Variants in PTPRN2 observed in about 807,000 individuals in gnomAD.
The protein encoded by PTPRN2 is receptor-type tyrosine-protein phosphatase N2.
Under a neutral mutation model 118.8 loss-of-function variants are expected in PTPRN2, and 74 were observed. That is an observed-to-expected ratio of 0.62 (90% CI 0.52 to 0.76). The LOEUF (loss-of-function observed/expected upper bound fraction) is 0.76. Among genes scored for constraint, PTPRN2 ranks in the 30% least tolerant of loss-of-function variants. PTPRN2 has a pLI of 0.00. For missense variants in PTPRN2, 1,481 were observed against 1,394.4 expected, an observed-to-expected ratio of 1.06 and a Z score of -0.99; for synonymous variants, 641 against 608.0, an observed-to-expected ratio of 1.05 and a Z score of -0.80.
intron 6 of PTPRN2, among the ~76,000 whole-genome samples, chr7:158,164,906 G>C (rs1822790005): frequency 6.6e-6 from 1 of 152,176 alleles, no homozygotes; most frequent in Non-Finnish European, 1.5e-5. Flanking sequence ...GTGGCCAAGG[G>C]CTGAGGCCAC....
intron 3 of PTPRN2, among the ~76,000 whole-genome samples, chr7:158,263,706 C>T (rs759553537): frequency 3.9e-5 from 6 of 152,230 alleles, no homozygotes; most frequent in Non-Finnish European, 7.3e-5. Flanking sequence ...CATGGGTGGG[C>T]GCCCAGCACC....
intron 5 of PTPRN2, among the ~76,000 whole-genome samples, chr7:158,186,632 C>T (rs1005556429): frequency 2.4e-4 from 36 of 152,088 alleles, no homozygotes; most frequent in Admixed American, 5.2e-4. Flanking sequence ...GTCAGAAGCC[C>T]GCCTGGGCCA....
chr7:158,523,443 G>C (rs934827833), intron 1 of PTPRN2, among the ~76,000 whole-genome samples: 1 of 135,008 alleles, frequency 7.4e-6, no homozygotes, highest in Non-Finnish European at 1.6e-5. Context: ...AGTCTGCCCT[G>C]GAGCGGAGTC....
rs758260645 is a variant in PTPRN2 at position 157,578,159 on chromosome 7, C to T, written c.2497-19G>A. ...ACACCATCTGCGGACAAAGAAGGCC[C>T]GTGGCCGCGGTGTGACTGTCTCATC... On this transcript the variant is annotated intron_variant, in intron 17 of 22. Coordinates refer to ENST00000389418, the MANE Select transcript of PTPRN2 (RefSeq NM_002847.5). 1.9e-6 allele frequency: 3 copies of T among 1,596,344 alleles called. No homozygotes were observed. Among genetic ancestry groups the T allele is most frequent in the Non-Finnish European group, 1.7e-6 (2 of 1,168,850 alleles).
rs761029155 is a variant in PTPRN2 at position 157,621,461 on chromosome 7, A to G, written c.2245T>C (p.Trp749Arg). 6 of 1,613,734 alleles carry G rather than the reference A, an allele frequency of 3.7e-6. No individual in the cohort carries two copies. In the Admixed American group the frequency reaches 8.3e-5, roughly 22 times the overall value. Residue 749 changes from tryptophan to arginine, a missense_variant, in exon 15 of 23, where the codon TGG becomes CGG. Trp to Arg is a moderately radical substitution (Grantham distance 101). This residue lies in a region of PTPRN2 where 362 missense variants were observed against 384.1 expected (regional missense o/e 0.94). Transcript: ENST00000389418. ...GCCTGGTAGGCGCACAGCGCTTCCC[A>G]CTCCTTCTCCAGCCGGTTCTTGTTC... ...LKNKNRLEKEWEALCAYQAEP... is the reference protein window; with the variant it reads ...LKNKNRLEKEREALCAYQAEP...
At chr7:158,541,063 G>A (rs1721743886) in intron 1 of PTPRN2, among the ~76,000 whole-genome samples, 1 of 152,184 alleles carries the variant, frequency 6.6e-6, no homozygotes, top group African/African-American at 2.4e-5. Flanking sequence ...GTGCTAATTG[G>A]CAATGCTGGG....
intron 17 of PTPRN2, among the ~76,000 whole-genome samples, chr7:157,580,165 G>A (rs1417461590): frequency 6.6e-6 from 1 of 152,170 alleles, no homozygotes; most frequent in African/African-American, 2.4e-5. Flanking sequence ...TGGCACCTGT[G>A]AATGTGACCT....
Position 158,015,680 on chromosome 7 carries a change from C to T in PTPRN2, c.1723+65618G>A, listed in dbSNP as rs539248729. Among the ~76,000 whole-genome samples, 5 of 152,158 alleles carry T rather than the reference C, an allele frequency of 3.3e-5. No homozygotes were observed. The highest frequency in any genetic ancestry group is 1.2e-4 in the African/African-American group (5 of 41,424). On this transcript the variant is annotated intron_variant, in intron 11 of 22. Transcript: ENST00000389418. The surrounding 1 kb of genome is among the most constrained non-coding windows in gnomAD (Gnocchi z 4.2). The stretch of plus-strand genomic sequence containing the variant: ...ATTTTTGCCAGTAGCAGAGAACGTA[C>T]GAGGTCTTTCTTCCTATTTTCTGCA...
At chr7:157,957,227 C>T (rs1426610562) in intron 11 of PTPRN2, among the ~76,000 whole-genome samples, 2 of 152,204 alleles carry the variant, frequency 1.3e-5, no homozygotes, top group African/African-American at 4.8e-5. Flanking sequence ...GTGCACTTCC[C>T]AGAATCTGCA....
chr7:157,672,815 G>A (rs185230070), intron 13 of PTPRN2, among the ~76,000 whole-genome samples: 6 of 152,320 alleles, frequency 3.9e-5, no homozygotes, highest in Non-Finnish European at 7.3e-5. Flanking sequence ...CACAAACTCT[G>A]TAGTGAATTA....
intron 1 of PTPRN2, among the ~76,000 whole-genome samples, chr7:158,578,396 A>C (rs1828450538): frequency 6.6e-6 from 1 of 151,672 alleles, no homozygotes; most frequent in Non-Finnish European, 1.5e-5. Flanking sequence ...CAAGCCAGGC[A>C]TGGTGGCACA....
chr7:157,680,337 C>A (rs913707444), intron 13 of PTPRN2, among the ~76,000 whole-genome samples: 1 of 151,792 alleles, frequency 6.6e-6, no homozygotes, highest in Non-Finnish European at 1.5e-5. Context: ...TGCGAGAAGA[C>A]ACCTTTCCTG....
In PTPRN2 at chr7:157,545,194, TGG is replaced by T. The variant is rs1305209190; in HGVS notation, c.2976+3750_2976+3751del. 2.7e-3 allele frequency among the ~76,000 whole-genome samples: 388 copies of T among 141,192 alleles called. 1 individual carries two copies. The highest frequency in any genetic ancestry group is 9.9e-3 in the African/African-American group (367 of 37,196). 92.6% of individuals were successfully genotyped at this position (141,192 alleles called of 152,430 possible). A position where few individuals can be genotyped will look rare whatever the true frequency, so the allele number is the denominator to read the frequency against. On this transcript the variant is annotated intron_variant, in intron 22 of 22. Transcript: ENST00000389418. ...GCTGAGTGGTGTTTGTGGGTGTCTGTGGGTGTGTGTGCAATGTGTGGGTGTGC... is the reference window on the plus strand; with the variant it reads ...GCTGAGTGGTGTTTGTGGGTGTCTGTGTGTGTGTGCAATGTGTGGGTGTGC...
chr7:158,294,873 C>A (rs1800363293), intron 3 of PTPRN2, among the ~76,000 whole-genome samples: 1 of 146,696 alleles, frequency 6.8e-6, no homozygotes, highest in Non-Finnish European at 1.5e-5. Context: ...AGGGTCTAAG[C>A]CCATGGGGCC....
At chr7:157,767,176 G>A (rs931313989) in intron 12 of PTPRN2, among the ~76,000 whole-genome samples, 6 of 152,194 alleles carry the variant, frequency 3.9e-5, no homozygotes, top group Admixed American at 1.3e-4. Context: ...TGGCTGCAGG[G>A]AGGTTGACAT....
At chr7:158,422,208 T>G (rs1434801320) in intron 2 of PTPRN2, among the ~76,000 whole-genome samples, 1 of 152,230 alleles carries the variant, frequency 6.6e-6, no homozygotes, top group Non-Finnish European at 1.5e-5. Context: ...GAACTGAATT[T>G]CAGTCAACCT....
intron 3 of PTPRN2, among the ~76,000 whole-genome samples, chr7:158,269,160 C>T (rs1332674506): frequency 1.3e-5 from 2 of 152,166 alleles, no homozygotes; most frequent in African/African-American, 4.8e-5. Context: ...GAGTGGCCTT[C>T]AGGGAAAATG....
chr7:157,759,581 A>G (rs1396422353), intron 12 of PTPRN2, among the ~76,000 whole-genome samples: 1 of 152,224 alleles, frequency 6.6e-6, no homozygotes, highest in African/African-American at 2.4e-5. Flanking sequence ...TTCAAATGGA[A>G]GACGGACACG....
At chr7:158,137,936 C>A (rs1442494929) in intron 7 of PTPRN2, among the ~76,000 whole-genome samples, 1 of 152,182 alleles carries the variant, frequency 6.6e-6, no homozygotes, top group Non-Finnish European at 1.5e-5. Context: ...CCCAAGCAGA[C>A]ATTTGAATGA....
Sources: allele counts gnomAD v4.1 joint callset (sites outside exome capture counted in the v4.1 genomes callset), GRCh38; gene constraint gnomAD v4.1.1; regional missense constraint gnomAD v4.1.1; non-coding constraint Gnocchi (gnomAD v3.1); transcripts MANE v1.5; gene names NCBI Gene and HGNC (gene_info 2026-07-23, HGNC 2026-07-21).